The following SYNJ2 variants were observed in gnomAD, a reference collection of about 807,000 sequenced individuals.
SYNJ2 encodes polyphosphatidylinositol phosphatase SYNJ2.
A neutral mutation model predicts 141.3 loss-of-function variants in SYNJ2; 116 were observed. The ratio of observed to expected loss-of-function variants is 0.82; its 90% CI spans 0.71 to 0.96. SYNJ2 has a LOEUF of 0.96. Among genes scored for constraint, SYNJ2 ranks in the 40% least tolerant of loss-of-function variants. SYNJ2 has a pLI of 0.00. For synonymous variants in SYNJ2, 745 were observed against 777.7 expected (o/e 0.96, Z 0.70); for missense variants, 1,873 against 1,934.8 (o/e 0.97, Z 0.60).
chr6:158,088,036 T>A (rs1249583023), intron 23 of SYNJ2, among the ~76,000 whole-genome samples: 2 of 10,626 alleles, frequency 1.9e-4, no homozygotes, highest in African/African-American at 6.2e-4. Flanking sequence ...GCTTTGGAAT[T>A]TTTTTTTTTT....
chr6:158,036,775 A>G lies in SYNJ2; in HGVS notation c.711+3095A>G, dbSNP rs1198179861. On this transcript the variant is annotated intron_variant, in intron 4 of 26. Coordinates refer to ENST00000355585, the MANE Select transcript of SYNJ2 (RefSeq NM_003898.4). ...CCTGCACAAGTACCCCTGAACTTAA[A>G]ATAAAAGTTAAATTTTGAAAAATTT... Among the ~76,000 whole-genome samples, 4 of 152,226 alleles carry G rather than the reference A, an allele frequency of 2.6e-5. No homozygotes were observed. In the East Asian group the frequency reaches 7.7e-4, roughly 29 times the overall value.
intron 2 of SYNJ2, among the ~76,000 whole-genome samples, chr6:158,025,190 A>G (rs1023075092): frequency 2.6e-5 from 4 of 152,176 alleles, no homozygotes; most frequent in Admixed American, 2.0e-4. Context: ...TGCATCTGAC[A>G]TGGTGGGAGA....
At chr6:158,054,925 C>A in intron 5 of SYNJ2, 42 bp from the exon 6 acceptor site, 1 of 1,604,218 alleles carries the variant, frequency 6.2e-7, no homozygotes, top group Non-Finnish European at 8.5e-7. Context: ...CCTTGGTTTG[C>A]AGAGAAGGAA....
At chr6:158,036,458 C>T (rs1311805283) in intron 4 of SYNJ2, among the ~76,000 whole-genome samples, 1 of 152,208 alleles carries the variant, frequency 6.6e-6, no homozygotes, top group African/African-American at 2.4e-5. Flanking sequence ...AGATCGTGTC[C>T]TTTCCAGCAA....
chr6:157,986,336 C>G (rs1382424116), intron 1 of SYNJ2, among the ~76,000 whole-genome samples: 1 of 152,066 alleles, frequency 6.6e-6, no homozygotes, highest in African/African-American at 2.4e-5. Flanking sequence ...GTGCTTCTCC[C>G]GCGGGTTTTG....
At chr6:158,085,375 C>T (rs1054532949) in intron 22 of SYNJ2, among the ~76,000 whole-genome samples, 3 of 152,040 alleles carry the variant, frequency 2.0e-5, no homozygotes, top group Non-Finnish European at 4.4e-5. Flanking sequence ...GCTGGCAGGT[C>T]GGGTAGTTCA....
At position 158,064,887 on chromosome 6, in the gene SYNJ2, A is replaced by T; in HGVS notation, c.1421A>T (p.Asp474Val). The T allele has an allele frequency of 6.2e-7, 1 of 1,613,688 alleles. No individual in the cohort carries two copies. Among genetic ancestry groups the T allele is most frequent in the Non-Finnish European group, 8.5e-7 (1 of 1,179,858 alleles). Residue 474 changes from aspartate to valine, a missense_variant, in exon 11 of 27, where the codon GAC (aspartate) becomes GTC (valine). Asp to Val is a radical substitution (Grantham distance 152). Transcript: ENST00000355585. ...MSRTIQSNFF[D>V]GVKQEAIKLL... ...CGAACCATCCAGTCCAACTTCTTCGACGGGGTGAAGCAGGAGGCCATCAAG... is the reference window on the plus strand; with the variant it reads ...CGAACCATCCAGTCCAACTTCTTCGTCGGGGTGAAGCAGGAGGCCATCAAG...
chr6:158,096,253 G>A lies in SYNJ2; in HGVS notation c.4380G>A (p.Lys1460=). The part of the protein sequence containing the change: ...DPVSAGASAA[K]AELPPDHEHK... Reference sequence around the variant, plus strand: ...TGTCAGCTGGCGCTTCAGCTGCCAAGGCAGAGCTGCCACCAGATCATGAAC... The same window carrying A: ...TGTCAGCTGGCGCTTCAGCTGCCAAAGCAGAGCTGCCACCAGATCATGAAC... The change falls in exon 27 of 27, where the codon AAG becomes AAA. Residue 1460 remains lysine, a synonymous_variant. Transcript: ENST00000355585. 1.9e-6 allele frequency: 3 copies of A among 1,614,216 alleles called. No individual in the cohort carries two copies. The highest frequency in any genetic ancestry group is 2.5e-6 in the Non-Finnish European group (3 of 1,180,040).
rs147803986 is a variant in SYNJ2 at position 158,062,154 on chromosome 6, G to A, written c.1117G>A (p.Val373Ile). Residue 373 changes from valine (V) to isoleucine (I), a missense_variant, in exon 8 of 27, where the codon GTC (valine) becomes ATC (isoleucine). Coordinates refer to ENST00000355585, the MANE Select transcript of SYNJ2 (RefSeq NM_003898.4). ...DFDVFTKGEN[V>I]SPRFQKGTLR... ...CGATGTGTTCACAAAGGGGGAGAAC[G>A]TCAGTCCACGGTGAGGCTCGCTGCG... 1.0e-3 allele frequency: 1,666 copies of A among 1,613,420 alleles called. 3 individuals carry two copies. Among genetic ancestry groups the A allele is most frequent in the Non-Finnish European group, 1.2e-3 (1,367 of 1,179,774 alleles).
Position 158,097,464 on chromosome 6 carries a change from TTAAAG to T in SYNJ2, c.*1104_*1108del, listed in dbSNP as rs1562420305. On this transcript the variant is annotated 3_prime_UTR_variant, in exon 27 of 27. Transcript: ENST00000355585. ...GACATTACCATAGTGCTTTACATTT[TTAAAG>T]TAATGTTACAAGGTCTGGAATCCAT... 6.6e-6 allele frequency: 1 copy of T among 152,252 alleles called. No individual in the cohort carries two copies. The highest frequency in any genetic ancestry group is 1.5e-5 in the Non-Finnish European group (1 of 68,046). 9.4% of individuals were successfully genotyped at this position (152,252 alleles called of 1,614,324 possible). A position where few individuals can be genotyped will look rare whatever the true frequency, so the allele number is the denominator to read the frequency against.
chr6:158,085,966 C>T (rs1322061570), intron 22 of SYNJ2, among the ~76,000 whole-genome samples: 1 of 139,850 alleles, frequency 7.2e-6, no homozygotes, highest in Non-Finnish European at 1.6e-5. Context: ...ATGCAGGCAG[C>T]CTCTGGAGCC....
chr6:158,096,270 A>C lies in SYNJ2; in HGVS notation c.4397A>C (p.Asp1466Ala). 1 of 1,614,232 alleles carries C rather than the reference A, an allele frequency of 6.2e-7. No individual in the cohort carries two copies. Among genetic ancestry groups the C allele is most frequent in the Non-Finnish European group, 8.5e-7 (1 of 1,180,050 alleles). ...GCTGCCAAGGCAGAGCTGCCACCAG[A>C]TCATGAACACAAAACCTTAGGTCAC... ...ASAAKAELPP[D>A]HEHKTLGHWV... The change falls in exon 27 of 27, where the codon GAT becomes GCT. Residue 1466 changes from aspartate (D) to alanine (A), a missense_variant. Coordinates refer to ENST00000355585, the MANE Select transcript of SYNJ2 (RefSeq NM_003898.4).
intron 1 of SYNJ2, among the ~76,000 whole-genome samples, chr6:157,993,910 G>C (rs1777549853): frequency 7.1e-6 from 1 of 140,590 alleles, no homozygotes; most frequent in Non-Finnish European, 1.5e-5. Flanking sequence ...CGCCTCCCTG[G>C]TTCACACCAT....
At chr6:158,063,371 G>A (rs1197777486) in intron 8 of SYNJ2, among the ~76,000 whole-genome samples, 2 of 151,978 alleles carry the variant, frequency 1.3e-5, no homozygotes, top group South Asian at 2.1e-4. Context: ...GGAGGTGAGG[G>A]GTTCCCTCTT....
intron 23 of SYNJ2, 59 bp downstream of exon 23, chr6:158,087,048 C>T: frequency 6.4e-7 from 1 of 1,560,438 alleles, no homozygotes; most frequent in South Asian, 1.1e-5. Context: ...CGCGCGTTCC[C>T]TGCTACTGAA....
At position 158,093,096 on chromosome 6, in the gene SYNJ2, A is replaced by C. The variant is rs759538513; in HGVS notation, c.3736A>C (p.Thr1246Pro). ...PAIKKPTLRR[T>P]GKPLSPEEQF... is the part of the protein sequence containing the mutation. ...CATCAAGAAGCCAACCTTGAGAAGG[A>C]CAGGAAAGGTAAAAGCCTGGTAACA... is the stretch of plus-strand genomic sequence containing the variant. The change falls in exon 26 of 27, where the codon ACA (threonine) becomes CCA (proline). Residue 1246 changes from threonine to proline, a missense_variant. Physicochemically the swap from Thr to Pro is conservative, Grantham distance 38 (BLOSUM62 -1). Coordinates refer to ENST00000355585, the MANE Select transcript of SYNJ2 (RefSeq NM_003898.4). 6.2e-7 allele frequency: 1 copy of C among 1,609,878 alleles called. No homozygotes were observed. Among genetic ancestry groups the C allele is most frequent in the South Asian group, 1.1e-5 (1 of 90,736 alleles).
chr6:158,026,004 C>T (rs1352400059), intron 2 of SYNJ2, among the ~76,000 whole-genome samples: 1 of 152,082 alleles, frequency 6.6e-6, no homozygotes, highest in Non-Finnish European at 1.5e-5. Context: ...TACGTACATA[C>T]ATACATACAT....
At position 158,081,337 on chromosome 6, in the gene SYNJ2, C is replaced by A; in HGVS notation, c.2786+10C>A. ...CAATTGTTCTTGTCAGGTAACTGCT[C>A]CCCTGGCTGATGTGGGTTCCAGGGG... is the stretch of plus-strand genomic sequence containing the variant. On this transcript the variant is annotated intron_variant, in intron 19 of 26. Coordinates refer to ENST00000355585, the MANE Select transcript of SYNJ2 (RefSeq NM_003898.4). The A allele has an allele frequency of 6.2e-7, 1 of 1,613,906 alleles. No homozygotes were observed. Among genetic ancestry groups the A allele is most frequent in the Non-Finnish European group, 8.5e-7 (1 of 1,179,816 alleles).
Position 158,071,724 on chromosome 6 carries a change from C to G in SYNJ2, c.2063C>G (p.Ala688Gly). 1 of 1,614,038 alleles carries G rather than the reference C, an allele frequency of 6.2e-7. No individual in the cohort carries two copies. Among genetic ancestry groups the G allele is most frequent in the Non-Finnish European group, 8.5e-7 (1 of 1,180,038 alleles). The change falls in exon 15 of 27, where the codon GCC (alanine) becomes GGC (glycine). Residue 688 changes from alanine to glycine, a missense_variant. Physicochemically the swap from Ala to Gly is moderately conservative, Grantham distance 60 (BLOSUM62 0). Coordinates refer to ENST00000355585, the MANE Select transcript of SYNJ2 (RefSeq NM_003898.4). The surrounding 1 kb of genome is among the most constrained non-coding windows in gnomAD (Gnocchi z 4.3). ...TGCTTCATATGTAGTCACCTGACGG[C>G]CGGGCAGTCCCAGGTGAAGGAGCGG... The part of the protein sequence containing the change: ...SFCFICSHLT[A>G]GQSQVKERNE...
Sources: allele counts gnomAD v4.1 joint callset (sites outside exome capture counted in the v4.1 genomes callset), GRCh38; gene constraint gnomAD v4.1.1; non-coding constraint Gnocchi (gnomAD v3.1); transcripts MANE v1.5; gene names NCBI Gene and HGNC (gene_info 2026-07-23, HGNC 2026-07-21).